The following EVI5 variants were observed in gnomAD, a reference collection of about 807,000 sequenced individuals.
EVI5 encodes ecotropic viral integration site 5 protein homolog.
A neutral mutation model predicts 112.0 loss-of-function variants in EVI5; 73 were observed. That is an observed-to-expected ratio of 0.65 (90% CI 0.54 to 0.79). The LOEUF (loss-of-function observed/expected upper bound fraction) is 0.79, where lower values mean the gene tolerates loss of function less well. Among genes scored for constraint, EVI5 ranks in the 30% least tolerant of loss-of-function variants. The probability of loss-of-function intolerance (pLI) is 0.00; values close to 1 mark genes in which losing one functional copy is unlikely to be tolerated. For synonymous variants in EVI5, 305 were observed against 319.9 expected, an observed-to-expected ratio of 0.95 and a Z score of 0.50; for missense variants, 900 against 968.8, an observed-to-expected ratio of 0.93 and a Z score of 0.94.
intron 2 of EVI5, among the ~76,000 whole-genome samples, chr1:92,733,664 A>T (rs1676863938): frequency 2.0e-5 from 3 of 152,016 alleles, no homozygotes. Context: ...CGCCCACCTC[A>T]GCCTCCCAAA....
At chr1:92,550,239 T>C (rs1351468461) in intron 19 of EVI5, among the ~76,000 whole-genome samples, 2 of 150,580 alleles carry the variant, frequency 1.3e-5, no homozygotes, top group African/African-American at 2.4e-5. Flanking sequence ...GAGCAAATTA[T>C]TGCAAGGACA....
At chr1:92,647,693 AAGGGGGCAGG>A (rs1284448438) in intron 13 of EVI5, 1 of 272,580 alleles carries the variant, frequency 3.7e-6, no homozygotes, top group African/African-American at 2.2e-5. Flanking sequence ...AGGGAAGGTG[AAGGGGGCAGG>A]AAGGGTGCTT....
intron 10 of EVI5, among the ~76,000 whole-genome samples, chr1:92,669,546 T>TAAAAAAAAAAAAAAAAAAAAAAA (rs1558034630): frequency 1.5e-4 from 1 of 6,554 alleles, no homozygotes. Flanking sequence ...AGGCTCTGTC[T>TAAAAAAAAAAAAAAAAAAAAAAA]CAAAAAAAAA....
intron 1 of EVI5, among the ~76,000 whole-genome samples, chr1:92,771,796 A>G (rs1454950022): frequency 1.3e-5 from 2 of 151,416 alleles, no homozygotes; most frequent in Non-Finnish European, 2.9e-5. Flanking sequence ...TTTCAAGTGT[A>G]TTACTTTACT....
chr1:92,750,161 T>C (rs6604014), intron 1 of EVI5, among the ~76,000 whole-genome samples: 87,443 of 151,948 alleles, frequency 0.58, 26,925 homozygotes, highest in East Asian at 0.92. Flanking sequence ...AGTATCCAAG[T>C]GGAACTTATA....
intron 6 of EVI5, among the ~76,000 whole-genome samples, chr1:92,697,615 T>G (rs1285073065): frequency 2.0e-5 from 3 of 152,174 alleles, no homozygotes; most frequent in Non-Finnish European, 2.9e-5. Flanking sequence ...AAGGGGTGTA[T>G]AGTACATTTG....
chr1:92,703,558 C>T lies in EVI5; in HGVS notation c.401G>A (p.Ser134Asn), dbSNP rs1671524228. Residue 134 changes from serine to asparagine, a missense_variant, in exon 4 of 20, where the codon AGT (serine) becomes AAT (asparagine). Physicochemically the swap from Ser to Asn is conservative, Grantham distance 46. Coordinates refer to ENST00000684568, the MANE Select transcript of EVI5 (RefSeq NM_001350197.2). The stretch of plus-strand genomic sequence containing the variant: ...ATCCTTAATTGGCATACTTTGTGCA[C>T]TGCATAAAAGTTGCCAAACTATTGC... ...FRAIVWQLLC[S>N]AQSMPIKDQY... 2 of 1,599,146 alleles carry T rather than the reference C, an allele frequency of 1.3e-6. No individual in the cohort carries two copies. Among genetic ancestry groups the T allele is most frequent in the Non-Finnish European group, 1.7e-6 (2 of 1,176,318 alleles).
chr1:92,724,314 A>C (rs1044117165), intron 2 of EVI5, among the ~76,000 whole-genome samples: 1 of 152,096 alleles, frequency 6.6e-6, no homozygotes, highest in Admixed American at 6.6e-5. Context: ...ACCGGCCGAC[A>C]CTTAGGGAAA....
chr1:92,698,298 AAC>A (rs1670623670), intron 5 of EVI5, among the ~76,000 whole-genome samples: 1 of 152,206 alleles, frequency 6.6e-6, no homozygotes, highest in African/African-American at 2.4e-5. Flanking sequence ...GAACAAAATA[AAC>A]ACAATCTCTA....
intron 2 of EVI5, among the ~76,000 whole-genome samples, chr1:92,728,508 C>T (rs1339764391): frequency 6.6e-6 from 1 of 152,134 alleles, no homozygotes; most frequent in Non-Finnish European, 1.5e-5. Context: ...CTGCCTCACC[C>T]TCTGGAGTAG....
At chr1:92,524,333 T>A (rs1213503831) in intron 19 of EVI5, among the ~76,000 whole-genome samples, 1 of 152,132 alleles carries the variant, frequency 6.6e-6, no homozygotes, top group Non-Finnish European at 1.5e-5. Context: ...CTGATAAGGG[T>A]AAATAAATTT....
chr1:92,788,878 A>G (rs954165096), upstream of EVI5, among the ~76,000 whole-genome samples: 1 of 152,202 alleles, frequency 6.6e-6, no homozygotes, highest in Non-Finnish European at 1.5e-5. Context: ...TTGAGCACTC[A>G]ACATGTATGG....
At chr1:92,715,565 T>C (rs1012990938) in intron 2 of EVI5, among the ~76,000 whole-genome samples, 6 of 152,200 alleles carry the variant, frequency 3.9e-5, no homozygotes, top group Non-Finnish European at 5.9e-5. Flanking sequence ...GGGTGATTTC[T>C]GCATTTCCAA....
At chr1:92,653,376 TC>T (rs1475796217) in intron 13 of EVI5, among the ~76,000 whole-genome samples, 11 of 152,318 alleles carry the variant, frequency 7.2e-5, no homozygotes, top group African/African-American at 2.6e-4. Context: ...ACACATACTT[TC>T]CTGTGCCCAA....
At chr1:92,514,850 G>T (rs553702821) in intron 19 of EVI5, among the ~76,000 whole-genome samples, 14 of 152,268 alleles carry the variant, frequency 9.2e-5, no homozygotes, top group African/African-American at 3.1e-4. Context: ...CCATAGTTCT[G>T]TAAATGATGA....
At chr1:92,791,374 T>G (rs1189024764) in intron 1 of EVI5, among the ~76,000 whole-genome samples, 2 of 152,152 alleles carry the variant, frequency 1.3e-5, no homozygotes, top group African/African-American at 4.8e-5. Flanking sequence ...ATCTTCTCAT[T>G]CATAAACTGG....
At chr1:92,544,024 G>A (rs911147682) in intron 19 of EVI5, among the ~76,000 whole-genome samples, 7 of 152,174 alleles carry the variant, frequency 4.6e-5, no homozygotes, top group African/African-American at 1.2e-4. Context: ...CACATGCTAC[G>A]ACATGAATGA....
At chr1:92,593,321 C>T (rs1674322652) in intron 18 of EVI5, among the ~76,000 whole-genome samples, 1 of 152,142 alleles carries the variant, frequency 6.6e-6, no homozygotes, top group African/African-American at 2.4e-5. Flanking sequence ...ACAAAAATCA[C>T]ATGATTATCT....
At chr1:92,623,099 A>T (rs955930093) in intron 16 of EVI5, among the ~76,000 whole-genome samples, 4 of 152,146 alleles carry the variant, frequency 2.6e-5, no homozygotes, top group Non-Finnish European at 4.4e-5. Context: ...TTTAGTATCT[A>T]TACTAAAATA....
Sources: allele counts gnomAD v4.1 joint callset (sites outside exome capture counted in the v4.1 genomes callset), GRCh38; gene constraint gnomAD v4.1.1; transcripts MANE v1.5; gene names NCBI Gene and HGNC (gene_info 2026-07-23, HGNC 2026-07-21).